The following ZNF892 variants were observed in gnomAD, a reference collection of about 807,000 sequenced individuals.
ZNF892 encodes the protein zinc finger protein 892, also known as zinc finger protein 570-like.
the ZNF892 span, among the ~76,000 whole-genome samples, chr2:95,246,868 A>G: frequency 1.3e-5 from 2 of 152,216 alleles, no homozygotes; most frequent in Admixed American, 1.3e-4. Context: ...GACACAGACA[A>G]ATGGAAAAAC....
chr2:95,234,104 C>T, the ZNF892 span, among the ~76,000 whole-genome samples: 1 of 152,174 alleles, frequency 6.6e-6, no homozygotes, highest in African/African-American at 2.4e-5. Flanking sequence ...TCACTGCAAC[C>T]TCCGCCTCCC....
chr2:95,262,716 T>C, the ZNF892 span, among the ~76,000 whole-genome samples: 3 of 152,316 alleles, frequency 2.0e-5, no homozygotes, highest in African/African-American at 7.2e-5. Context: ...CAGCCCTAGA[T>C]TTTCAACCTC....
chr2:95,222,481 C>T, the ZNF892 span, among the ~76,000 whole-genome samples: 3 of 152,166 alleles, frequency 2.0e-5, no homozygotes, highest in Admixed American at 6.5e-5. Flanking sequence ...CCATAATTTG[C>T]CAACACCAGG....
chr2:95,255,541 A>T, the ZNF892 span, among the ~76,000 whole-genome samples: 1 of 152,228 alleles, frequency 6.6e-6, no homozygotes. Context: ...GGTGCTGAAA[A>T]GAATGTATAT....
chr2:95,252,538 A>G, the ZNF892 span, among the ~76,000 whole-genome samples: 5 of 152,212 alleles, frequency 3.3e-5, no homozygotes, highest in Admixed American at 1.3e-4. Context: ...TAGTGCCACA[A>G]TAAACATACG....
the ZNF892 span, among the ~76,000 whole-genome samples, chr2:95,234,060 G>A: frequency 2.0e-5 from 3 of 152,164 alleles, no homozygotes; most frequent in Admixed American, 1.3e-4. Context: ...TCTCGCTCTT[G>A]TTGCCCAGGC....
chr2:95,215,841 G>A, the ZNF892 span, among the ~76,000 whole-genome samples: 4 of 152,212 alleles, frequency 2.6e-5, no homozygotes, highest in Non-Finnish European at 4.4e-5. Flanking sequence ...ACACCCTAAC[G>A]TGTATGTAAA....
the ZNF892 span, among the ~76,000 whole-genome samples, chr2:95,239,462 AGCCAATTGATGTG>A: frequency 6.6e-6 from 1 of 152,234 alleles, no homozygotes; most frequent in East Asian, 1.9e-4. Flanking sequence ...TGAAAGAAAG[AGCCAATTGATGTG>A]GCAAACTTCA....
chr2:95,214,471 A>G, the ZNF892 span: 2 of 398,452 alleles, frequency 5.0e-6, no homozygotes, highest in African/African-American at 4.1e-5. Flanking sequence ...TTAGAGAGTC[A>G]GCAGGAAAAC....
At chr2:95,238,176 G>T in the ZNF892 span, among the ~76,000 whole-genome samples, 1 of 152,172 alleles carries the variant, frequency 6.6e-6, no homozygotes, top group Admixed American at 6.5e-5. Flanking sequence ...CTAGAGAGAA[G>T]TCAATGTGTG....
chr2:95,212,235 A>T, the ZNF892 span: 2 of 398,408 alleles, frequency 5.0e-6, no homozygotes, highest in Non-Finnish European at 8.8e-6. Flanking sequence ...CAGTTGGAGC[A>T]TGAGGAAGAG....
the ZNF892 span, among the ~76,000 whole-genome samples, chr2:95,243,001 C>T: frequency 2.0e-4 from 31 of 152,324 alleles, no homozygotes; most frequent in African/African-American, 6.5e-4. Context: ...AGGCGCGCGC[C>T]GCCACGCCTG....
the ZNF892 span, chr2:95,207,391 T>G: frequency 6.3e-6 from 1 of 157,782 alleles, no homozygotes; most frequent in Non-Finnish European, 1.4e-5. Flanking sequence ...TCAGCGCTCC[T>G]CCAGGTCGGT....
At chr2:95,226,835 G>A in the ZNF892 span, among the ~76,000 whole-genome samples, 1 of 152,010 alleles carries the variant, frequency 6.6e-6, no homozygotes, top group African/African-American at 2.4e-5. Context: ...GTTTCACTAA[G>A]GGTCTCAATC....
the ZNF892 span, among the ~76,000 whole-genome samples, chr2:95,207,219 G>C: frequency 5.3e-5 from 8 of 152,230 alleles, no homozygotes; most frequent in South Asian, 2.1e-4. Flanking sequence ...ACCGCAGCCC[G>C]GGAAGGATCC....
At chr2:95,209,358 C>T in the ZNF892 span, among the ~76,000 whole-genome samples, 1 of 152,156 alleles carries the variant, frequency 6.6e-6, no homozygotes, top group Non-Finnish European at 1.5e-5. Flanking sequence ...GTGAGGGAAG[C>T]TCGGCTGTGT....
the ZNF892 span, among the ~76,000 whole-genome samples, chr2:95,245,413 A>T: frequency 1.0e-4 from 9 of 87,672 alleles, no homozygotes; most frequent in South Asian, 3.4e-3. Flanking sequence ...CACCCGGCTA[A>T]TTTTTTGTAT....
At chr2:95,229,452 C>T in the ZNF892 span, among the ~76,000 whole-genome samples, 2 of 152,196 alleles carry the variant, frequency 1.3e-5, no homozygotes, top group Admixed American at 6.5e-5. Flanking sequence ...CACCCCACCT[C>T]ATTGTCCCAA....
the ZNF892 span, among the ~76,000 whole-genome samples, chr2:95,211,208 A>G: frequency 6.6e-6 from 1 of 152,238 alleles, no homozygotes; most frequent in Non-Finnish European, 1.5e-5. Context: ...GAGAAAAAAT[A>G]CTTCAATTTC....
Sources: gnomAD v4.1 joint callset for allele counts (sites outside exome capture counted in the v4.1 genomes callset) on GRCh38, gnomAD v4.1.1 for gene constraint, MANE v1.5 for transcripts, NCBI Gene and HGNC (gene_info 2026-07-23, HGNC 2026-07-21) for gene names.